Variants in LINGO2 observed in about 807,000 individuals in gnomAD.
LINGO2 encodes the protein leucine-rich repeat and immunoglobulin-like domain-containing nogo receptor-interacting protein 2.
In LINGO2, 14 loss-of-function variants were observed where a neutral mutation model predicts 30.6. That is an observed-to-expected ratio of 0.46 (90% CI 0.30 to 0.72). LINGO2 has a LOEUF of 0.72. Among genes scored for constraint, LINGO2 ranks in the 30% least tolerant of loss-of-function variants. The probability of loss-of-function intolerance (pLI) is 0.07; values close to 1 mark genes in which losing one functional copy is unlikely to be tolerated. For synonymous variants in LINGO2, 317 were observed against 288.5 expected, an observed-to-expected ratio of 1.10 and a Z score of -1.00; for missense variants, 729 against 751.7, an observed-to-expected ratio of 0.97 and a Z score of 0.35.
intron 4 of LINGO2, among the ~76,000 whole-genome samples, chr9:28,239,735 G>T (rs1286140769): frequency 2.0e-5 from 3 of 152,074 alleles, no homozygotes; most frequent in African/African-American, 7.2e-5. Flanking sequence ...CTACAAGATT[G>T]CTCACTTTCA....
Position 28,329,026 on chromosome 9 carries a change from C to G in LINGO2, c.-245-33660G>C, listed in dbSNP as rs80120841. ...TCACAGAGACTTCTCAGGTTCTCAC[C>G]CCATCCGTATACGAGCTAGGCCTTA... On this transcript the variant is annotated intron_variant, in intron 3 of 5. Transcript: ENST00000379992. The surrounding 1 kb of genome is among the most constrained non-coding windows in gnomAD (Gnocchi z 4.5). Among the ~76,000 whole-genome samples the G allele has an allele frequency of 6.6e-6, 1 of 151,966 alleles. No homozygotes were observed. Among genetic ancestry groups the G allele is most frequent in the Non-Finnish European group, 1.5e-5 (1 of 67,972 alleles).
the LINGO2 span, among the ~76,000 whole-genome samples, chr9:29,086,798 C>G: frequency 1.3e-5 from 2 of 152,150 alleles, no homozygotes; most frequent in Admixed American, 6.5e-5. Context: ...AATCTTGTCT[C>G]AGAGGTTTCA....
chr9:29,188,838 C>CAA, the LINGO2 span, among the ~76,000 whole-genome samples: 2 of 137,590 alleles, frequency 1.5e-5, no homozygotes, highest in Non-Finnish European at 1.6e-5. Flanking sequence ...GGCTGACCCC[C>CAA]CCGCCACCTT....
chr9:28,350,350 C>T (rs904944826), intron 3 of LINGO2, among the ~76,000 whole-genome samples: 2 of 144,690 alleles, frequency 1.4e-5, no homozygotes, highest in East Asian at 4.0e-4. Flanking sequence ...GGTTGCAATC[C>T]TAGTCTCTGA....
At chr9:29,010,778 A>G in the LINGO2 span, among the ~76,000 whole-genome samples, 2 of 152,242 alleles carry the variant, frequency 1.3e-5, no homozygotes, top group South Asian at 2.1e-4. Context: ...AAAGTGCCTC[A>G]GGAGGCTGAG....
chr9:28,851,830 A>T, the LINGO2 span, among the ~76,000 whole-genome samples: 1 of 151,964 alleles, frequency 6.6e-6, no homozygotes. Context: ...ATGAGAAGTT[A>T]TACTACTTTT....
intron 4 of LINGO2, among the ~76,000 whole-genome samples, chr9:28,039,258 A>G (rs1308544172): frequency 6.6e-6 from 1 of 152,240 alleles, no homozygotes; most frequent in African/African-American, 2.4e-5. Flanking sequence ...CCTTAATTTT[A>G]AGAAATTGGG....
intron 3 of LINGO2, among the ~76,000 whole-genome samples, chr9:28,348,782 C>T (rs1428977231): frequency 1.3e-5 from 2 of 151,908 alleles, no homozygotes; most frequent in African/African-American, 2.4e-5. Flanking sequence ...GTGGTTCTCC[C>T]AGCACGCAGC....
intron 5 of LINGO2, among the ~76,000 whole-genome samples, chr9:27,965,844 A>T (rs1820075279): frequency 6.6e-6 from 1 of 152,130 alleles, no homozygotes; most frequent in African/African-American, 2.4e-5. Flanking sequence ...TTGGCTTAAG[A>T]TGCCTGCTGG....
At chr9:29,093,029 G>GTA in the LINGO2 span, among the ~76,000 whole-genome samples, 1,834 of 98,508 alleles carry the variant, frequency 0.019, 195 homozygotes, top group African/African-American at 0.059. Flanking sequence ...TAATGTGTGT[G>GTA]TATATATATA....
chr9:28,268,780 A>G (rs1275558498), intron 4 of LINGO2, among the ~76,000 whole-genome samples: 1 of 152,138 alleles, frequency 6.6e-6, no homozygotes, highest in East Asian at 1.9e-4. Context: ...GCTGTAGACA[A>G]CACAATGTCT....
the LINGO2 span, among the ~76,000 whole-genome samples, chr9:28,780,171 G>C: frequency 1.3e-5 from 2 of 152,050 alleles, no homozygotes; most frequent in East Asian, 1.9e-4. Context: ...AAAGTGTGAG[G>C]CATAACTTAA....
chr9:28,202,556 C>A (rs746695758), intron 4 of LINGO2, among the ~76,000 whole-genome samples: 10 of 152,064 alleles, frequency 6.6e-5, no homozygotes, highest in Non-Finnish European at 1.2e-4. Context: ...TGTTCCCTCA[C>A]CCCGTCCCCC....
chr9:28,035,913 CACAT>C (rs925327515), intron 4 of LINGO2, among the ~76,000 whole-genome samples: 230 of 149,224 alleles, frequency 1.5e-3, no homozygotes, highest in Middle Eastern at 3.5e-3. Flanking sequence ...CACACACACA[CACAT>C]GCGCTAATAT....
chr9:28,591,084 C>T (rs1461186941), intron 1 of LINGO2, among the ~76,000 whole-genome samples: 1 of 151,654 alleles, frequency 6.6e-6, no homozygotes, highest in Non-Finnish European at 1.5e-5. Context: ...CGCATGTTCT[C>T]ACTCATAGGT....
At chr9:28,223,409 T>A (rs1275766380) in intron 4 of LINGO2, among the ~76,000 whole-genome samples, 1 of 152,106 alleles carries the variant, frequency 6.6e-6, no homozygotes, top group Non-Finnish European at 1.5e-5. Flanking sequence ...ATGGCCTAAA[T>A]CTCATTCACA....
In LINGO2 at chr9:28,556,812, G is replaced by C. The variant is rs558919585; in HGVS notation, c.-364-80787C>G. Among the ~76,000 whole-genome samples the C allele has an allele frequency of 2.0e-5, 3 of 152,016 alleles. No individual in the cohort carries two copies. In the East Asian group the frequency reaches 5.8e-4, roughly 29 times the overall value. Reference sequence around the variant, plus strand: ...ACCAAAACAGAGATATAGATCAATGGAACAGAACAGAGCCCTCAGAAATAA... The same window carrying C: ...ACCAAAACAGAGATATAGATCAATGCAACAGAACAGAGCCCTCAGAAATAA... On this transcript the variant is annotated intron_variant, in intron 1 of 5. Coordinates refer to ENST00000379992, the Ensembl canonical transcript of LINGO2.
chr9:28,050,391 A>G (rs114721418), intron 4 of LINGO2, among the ~76,000 whole-genome samples: 1,969 of 150,938 alleles, frequency 0.013, 140 homozygotes, highest in African/African-American at 0.046. Context: ...ATATCTAATC[A>G]TAAGGAAATC....
chr9:28,124,155 T>C (rs879813518), intron 4 of LINGO2, among the ~76,000 whole-genome samples: 4 of 152,212 alleles, frequency 2.6e-5, no homozygotes, highest in African/African-American at 4.8e-5. Context: ...AAGCATTTGC[T>C]TGGTGGTAGT....
Sources: allele counts gnomAD v4.1 joint callset (sites outside exome capture counted in the v4.1 genomes callset), GRCh38; gene constraint gnomAD v4.1.1; non-coding constraint Gnocchi (gnomAD v3.1); transcripts MANE v1.5; gene names NCBI Gene and HGNC (gene_info 2026-07-23, HGNC 2026-07-21).